Variants in CADM1 observed in about 807,000 individuals in gnomAD.
CADM1 encodes the protein TSLC-1.
In CADM1, 15 loss-of-function variants were observed where a neutral mutation model predicts 53.1. That is an observed-to-expected ratio of 0.28 (90% CI 0.19 to 0.44). CADM1 has a LOEUF of 0.44. Ranked by LOEUF, CADM1 falls within the 20% of genes least tolerant of loss-of-function variation. CADM1 has a pLI of 1.00. For synonymous variants in CADM1, 281 were observed against 243.0 expected, an observed-to-expected ratio of 1.16 and a Z score of -1.45; for missense variants, 434 against 611.3, an observed-to-expected ratio of 0.71 and a Z score of 3.06.
rs141540994 is a variant in CADM1, at chr11:115,388,408, G to A, written c.124+115863C>T. On this transcript the variant is annotated intron_variant, in intron 1 of 11. Transcript: ENST00000331581. ...ATCATCAATAGATGTTAAATCTAAG[G>A]GGTGAGTTTTGAAGAGGAACAAGAT... is the stretch of plus-strand genomic sequence containing the variant. Among the ~76,000 whole-genome samples the A allele has an allele frequency of 1.3e-3, 193 of 152,228 alleles. 2 individuals are homozygous for A. In the East Asian group the frequency reaches 0.029, roughly 23 times the overall value.
At chr11:115,205,107 A>T (rs981454521) in intron 8 of CADM1, among the ~76,000 whole-genome samples, 12 of 152,196 alleles carry the variant, frequency 7.9e-5, no homozygotes, top group Admixed American at 7.2e-4. Flanking sequence ...AATTTATGAC[A>T]GTCACATGTC....
At chr11:115,502,706 G>A (rs1281410759) in intron 1 of CADM1, among the ~76,000 whole-genome samples, 3 of 152,146 alleles carry the variant, frequency 2.0e-5, no homozygotes, top group Non-Finnish European at 4.4e-5. Flanking sequence ...GAGCTCCTTT[G>A]CAAGCCTATT....
intron 1 of CADM1, chr11:115,399,139 G>A (rs1358681855): frequency 6.6e-6 from 1 of 152,124 alleles, no homozygotes; most frequent in Non-Finnish European, 1.5e-5. Context: ...ATCCAACTGA[G>A]TTATCACACA....
chr11:115,472,812 A>G (rs1405150693), intron 1 of CADM1, among the ~76,000 whole-genome samples: 1 of 152,204 alleles, frequency 6.6e-6, no homozygotes. Flanking sequence ...TGGATTTAGA[A>G]AAGAATATTA....
At chr11:115,479,331 T>C (rs1232802383) in intron 1 of CADM1, among the ~76,000 whole-genome samples, 2 of 152,102 alleles carry the variant, frequency 1.3e-5, no homozygotes, top group African/African-American at 2.4e-5. Context: ...ATCCCCAAAA[T>C]GATTCAAATA....
At position 115,355,154 on chromosome 11, in the gene CADM1, C is replaced by T. The variant is rs187450910; in HGVS notation, c.125-114734G>A. Among the ~76,000 whole-genome samples, 84 of 152,240 alleles carry T rather than the reference C, an allele frequency of 5.5e-4. 1 individual carries two copies. In the South Asian group the frequency reaches 6.8e-3, roughly 12 times the overall value. On this transcript the variant is annotated intron_variant, in intron 1 of 11. Coordinates refer to ENST00000331581, the MANE Select transcript of CADM1 (RefSeq NM_001301043.2). ...TCAAGAGAAATCAAGTTCTCATGCA[C>T]GCATATGTTCACTGCAGCGTTATTC...
chr11:115,236,634 G>T (rs954621082), intron 3 of CADM1, among the ~76,000 whole-genome samples: 4 of 152,092 alleles, frequency 2.6e-5, no homozygotes, highest in Admixed American at 2.6e-4. Context: ...CTGATCCAAA[G>T]CAGTTGTTTT....
intron 1 of CADM1, among the ~76,000 whole-genome samples, chr11:115,455,392 C>CAA (rs796161656): frequency 7.0e-6 from 1 of 142,746 alleles, no homozygotes; most frequent in African/African-American, 2.6e-5. Context: ...ACTTCAAAGG[C>CAA]AAAAAAAAAA....
At chr11:115,343,984 A>G (rs1361243094) in intron 1 of CADM1, among the ~76,000 whole-genome samples, 1 of 152,178 alleles carries the variant, frequency 6.6e-6, no homozygotes, top group African/African-American at 2.4e-5. Flanking sequence ...AAACAAGGTA[A>G]TATTTAAGAG....
intron 1 of CADM1, among the ~76,000 whole-genome samples, chr11:115,335,833 G>T (rs56089633): frequency 6.6e-6 from 1 of 151,980 alleles, no homozygotes; most frequent in Non-Finnish European, 1.5e-5. Context: ...TGGTTCATTA[G>T]GAAGCTGTCA....
chr11:115,227,512 C>T (rs1941656200), intron 5 of CADM1, among the ~76,000 whole-genome samples: 1 of 152,062 alleles, frequency 6.6e-6, no homozygotes, highest in African/African-American at 2.4e-5. Flanking sequence ...AGCTAATGGG[C>T]CCCTACAAGG....
At position 115,386,591 on chromosome 11, in the gene CADM1, T is replaced by C. The variant is rs546033749; in HGVS notation, c.124+117680A>G. 3.3e-5 allele frequency among the ~76,000 whole-genome samples: 5 copies of C among 152,318 alleles called. No homozygotes were observed. In the East Asian group the frequency reaches 9.7e-4, roughly 29 times the overall value. On this transcript the variant is annotated intron_variant, in intron 1 of 11. Coordinates refer to ENST00000331581, the MANE Select transcript of CADM1 (RefSeq NM_001301043.2). ...CACATGGTGAAGGGGCTGAGTCCGC[T>C]AGCTCAGATCTCTCTTCCGCTTCTT...
chr11:115,448,839 G>A (rs926971357), intron 1 of CADM1, among the ~76,000 whole-genome samples: 3 of 152,090 alleles, frequency 2.0e-5, no homozygotes, highest in Non-Finnish European at 4.4e-5. Context: ...GGCACATATT[G>A]TGAAATAAAA....
chr11:115,453,377 C>CA (rs987435928), intron 1 of CADM1, among the ~76,000 whole-genome samples: 17 of 126,114 alleles, frequency 1.3e-4, no homozygotes, highest in Middle Eastern at 7.8e-3. Context: ...CCCTCGCCCC[C>CA]AAAAAAAACC....
intron 1 of CADM1, among the ~76,000 whole-genome samples, chr11:115,301,696 C>T (rs1336406025): frequency 6.6e-6 from 1 of 152,046 alleles, no homozygotes; most frequent in African/African-American, 2.4e-5. Flanking sequence ...AGTTCCAATC[C>T]AGACTTCGCT....
At chr11:115,464,332 C>T (rs935070899) in intron 1 of CADM1, among the ~76,000 whole-genome samples, 1 of 152,176 alleles carries the variant, frequency 6.6e-6, no homozygotes, top group Non-Finnish European at 1.5e-5. Flanking sequence ...TTTCCTTCTA[C>T]TGACAGGTCC....
intron 5 of CADM1, among the ~76,000 whole-genome samples, chr11:115,227,079 A>G (rs547300436): frequency 1.3e-5 from 2 of 152,346 alleles, no homozygotes; most frequent in East Asian, 1.9e-4. Flanking sequence ...AAAGGCTAAA[A>G]TATTTGTATG....
chr11:115,174,368 T>C lies in CADM1; in HGVS notation c.*2106A>G. The C allele has an allele frequency of 1.0e-6, 1 of 985,628 alleles. No homozygotes were observed. The highest frequency in any genetic ancestry group is 1.2e-6 in the Non-Finnish European group (1 of 829,772). 61.1% of individuals were successfully genotyped at this position (985,628 alleles called of 1,614,324 possible). On this transcript the variant is annotated 3_prime_UTR_variant, in exon 12 of 12. Coordinates refer to ENST00000331581, the MANE Select transcript of CADM1 (RefSeq NM_001301043.2). The stretch of plus-strand genomic sequence containing the variant: ...GCTAAATGATTCTCACCCTTTGATA[T>C]GATTATACTATGGTCGGAATGGGTG...
intron 1 of CADM1, among the ~76,000 whole-genome samples, chr11:115,490,898 G>A (rs975255707): frequency 1.3e-5 from 2 of 152,150 alleles, no homozygotes; most frequent in South Asian, 2.1e-4. Context: ...TAACTATAGG[G>A]TGACAGTGAG....
Sources: gnomAD v4.1 joint callset for allele counts (sites outside exome capture counted in the v4.1 genomes callset) on GRCh38, gnomAD v4.1.1 for gene constraint, MANE v1.5 for transcripts, NCBI Gene and HGNC (gene_info 2026-07-23, HGNC 2026-07-21) for gene names.